RPS6KA2: variants seen among roughly 807,000 people sequenced by gnomAD.
RPS6KA2 encodes ribosomal protein S6 kinase A2, also known as ribosomal protein S6 kinase alpha-2.
In RPS6KA2, 42 loss-of-function variants were observed where a neutral mutation model predicts 91.8. The observed-to-expected ratio is 0.46, with a 90% CI of 0.36 to 0.59. The LOEUF is 0.59. Among genes scored for constraint, RPS6KA2 ranks in the 20% least tolerant of loss-of-function variants. The pLI, the probability that RPS6KA2 is intolerant of heterozygous loss-of-function variation, is 0.00. For missense variants in RPS6KA2, 798 were observed against 978.5 expected, an observed-to-expected ratio of 0.82 and a Z score of 2.46; for synonymous variants, 414 against 393.6, an observed-to-expected ratio of 1.05 and a Z score of -0.61.
At chr6:166,853,872 T>C (rs970090455) in intron 2 of RPS6KA2, among the ~76,000 whole-genome samples, 3 of 152,250 alleles carry the variant, frequency 2.0e-5, no homozygotes, top group African/African-American at 7.2e-5. Flanking sequence ...ACACATGGCC[T>C]GCAGGAGAGA....
chr6:166,442,100 C>T (rs1238024607), intron 14 of RPS6KA2, among the ~76,000 whole-genome samples: 1 of 152,238 alleles, frequency 6.6e-6, no homozygotes, highest in East Asian at 1.9e-4. Context: ...CCACTTGCAC[C>T]TGGCACACCT....
intron 2 of RPS6KA2, chr6:166,702,857 TA>T (rs568555289): frequency 1.9e-5 from 18 of 946,186 alleles, no homozygotes; most frequent in Admixed American, 4.3e-5. Flanking sequence ...AATGGTTGTT[TA>T]AAAAAAATTA....
intron 2 of RPS6KA2, among the ~76,000 whole-genome samples, chr6:166,659,987 G>A (rs552151619): frequency 6.6e-6 from 1 of 151,952 alleles, no homozygotes; most frequent in Middle Eastern, 3.4e-3. Context: ...GAACTCCAGA[G>A]TTCAAGTAAT....
intron 1 of RPS6KA2, among the ~76,000 whole-genome samples, chr6:166,600,957 C>T (rs1390912847): frequency 6.6e-6 from 1 of 152,184 alleles, no homozygotes; most frequent in South Asian, 2.1e-4. Flanking sequence ...AAATACTCTG[C>T]ATATCCAATA....
intron 2 of RPS6KA2, among the ~76,000 whole-genome samples, chr6:166,760,732 T>C (rs1778144542): frequency 6.6e-6 from 1 of 152,208 alleles, no homozygotes; most frequent in Admixed American, 6.5e-5. Context: ...GATACTGAGT[T>C]GGGGAAAGAA....
chr6:166,829,278 G>T (rs1780119079), intron 2 of RPS6KA2, among the ~76,000 whole-genome samples: 1 of 152,112 alleles, frequency 6.6e-6, no homozygotes, highest in Non-Finnish European at 1.5e-5. Context: ...ACAGGACGGT[G>T]GTTCCTCAAA....
rs1784218417 is a variant in RPS6KA2, at chr6:166,557,757, G to C, written c.100-18973C>G. Among the ~76,000 whole-genome samples the C allele has an allele frequency of 6.6e-6, 1 of 152,180 alleles. No individual in the cohort carries two copies. The highest frequency in any genetic ancestry group is 6.5e-5 in the Admixed American group (1 of 15,282). On this transcript the variant is annotated intron_variant, in intron 1 of 20. Coordinates refer to ENST00000265678, the MANE Select transcript of RPS6KA2 (RefSeq NM_021135.6). This position sits in a 1 kb window ranked among gnomAD's most constrained non-coding sequence, Gnocchi z 4.8. ...CAAAATGAAACTCGAAATCCTTCTA[G>C]TCTCTATATACAGACTTTCCTCACT...
chr6:166,436,820 A>G (rs1320625464), intron 14 of RPS6KA2, among the ~76,000 whole-genome samples: 1 of 152,140 alleles, frequency 6.6e-6, no homozygotes, highest in Non-Finnish European at 1.5e-5. Context: ...AGCTGGGATT[A>G]TAGGGCACAT....
At chr6:166,834,091 A>G (rs951539978) in intron 2 of RPS6KA2, among the ~76,000 whole-genome samples, 2 of 152,126 alleles carry the variant, frequency 1.3e-5, no homozygotes, top group African/African-American at 4.8e-5. Flanking sequence ...GGGTATGTTT[A>G]ACTATAAAAG....
intron 1 of RPS6KA2, among the ~76,000 whole-genome samples, chr6:166,587,626 G>A (rs1785219942): frequency 8.9e-6 from 1 of 112,892 alleles, no homozygotes; most frequent in Non-Finnish European, 1.7e-5. Flanking sequence ...TTTGAAGTCT[G>A]CCATTGGAAA....
intron 3 of RPS6KA2, among the ~76,000 whole-genome samples, chr6:166,520,403 A>G (rs1422509065): frequency 6.6e-6 from 1 of 152,146 alleles, no homozygotes; most frequent in East Asian, 1.9e-4. Flanking sequence ...TTGGATTTGA[A>G]CTGAATGACA....
chr6:166,648,225 TGC>T lies in RPS6KA2; in HGVS notation c.124-109443_124-109442del, dbSNP rs1318130627. Among the ~76,000 whole-genome samples, 3 of 149,096 alleles carry T rather than the reference TGC, an allele frequency of 2.0e-5. No individual in the cohort carries two copies. Among genetic ancestry groups the T allele is most frequent in the East Asian group, 2.0e-4 (1 of 5,014 alleles). ...ACACACTCATGCACACACACGCACATGCGCACACACACACATTCACACAGGCA... is the reference window on the plus strand; with the variant it reads ...ACACACTCATGCACACACACGCACATGCACACACACACATTCACACAGGCA... On this transcript the variant is annotated intron_variant, in intron 2 of 21. Coordinates refer to the RPS6KA2 transcript ENST00000503859. The surrounding 1 kb of genome is among the most constrained non-coding windows in gnomAD (Gnocchi z 4.8).
At chr6:166,753,746 G>A (rs1378442416) in intron 2 of RPS6KA2, among the ~76,000 whole-genome samples, 1 of 152,206 alleles carries the variant, frequency 6.6e-6, no homozygotes, top group Non-Finnish European at 1.5e-5. Flanking sequence ...TATTGTGGTT[G>A]TTAAACAGTC....
intron 2 of RPS6KA2, among the ~76,000 whole-genome samples, chr6:166,754,012 C>T (rs535075221): frequency 6.2e-4 from 95 of 152,238 alleles, no homozygotes; most frequent in African/African-American, 2.1e-3. Context: ...TCCGTCTTCC[C>T]GTGAGAATCC....
intron 2 of RPS6KA2, among the ~76,000 whole-genome samples, chr6:166,810,044 A>C (rs1362723887): frequency 6.6e-6 from 1 of 152,214 alleles, no homozygotes; most frequent in Non-Finnish European, 1.5e-5. Flanking sequence ...ACTTACAATC[A>C]TGGCAGAAGA....
rs186061400 is a variant in RPS6KA2, at chr6:166,430,195, C to T, written c.1581+258G>A. Among the ~76,000 whole-genome samples the T allele has an allele frequency of 2.2e-3, 333 of 152,000 alleles. 3 individuals are homozygous for T. The highest frequency in any genetic ancestry group is 7.7e-3 in the African/African-American group (319 of 41,436). Reference sequence around the variant, plus strand: ...ATGTTGGCTAGGCTGGTCGCGAACTCCTGACCTCGTGATCTGCCCGCCTTG... The same window carrying T: ...ATGTTGGCTAGGCTGGTCGCGAACTTCTGACCTCGTGATCTGCCCGCCTTG... On this transcript the variant is annotated intron_variant, in intron 16 of 20. Coordinates refer to ENST00000265678, the MANE Select transcript of RPS6KA2 (RefSeq NM_021135.6).
intron 2 of RPS6KA2, among the ~76,000 whole-genome samples, chr6:166,699,711 A>G (rs1008748050): frequency 6.6e-6 from 1 of 152,192 alleles, no homozygotes; most frequent in Non-Finnish European, 1.5e-5. Flanking sequence ...TCGGTATCAA[A>G]GGTCATATGT....
rs3823203 is a variant in RPS6KA2, at chr6:166,560,918, T to C, written c.100-22134A>G. On this transcript the variant is annotated intron_variant, in intron 1 of 20. Coordinates refer to ENST00000265678, the MANE Select transcript of RPS6KA2 (RefSeq NM_021135.6). The stretch of plus-strand genomic sequence containing the variant: ...CATTCCACGGTCCTTTTGGGGCGTA[T>C]TTCTTAGCCCAACATGGTGTTTTTT... 1.6e-3 allele frequency among the ~76,000 whole-genome samples: 234 copies of C among 148,240 alleles called. 2 individuals are homozygous for C. In the East Asian group the frequency reaches 0.038, roughly 24 times the overall value.
intron 1 of RPS6KA2, among the ~76,000 whole-genome samples, chr6:166,544,124 G>A (rs186420569): frequency 8.7e-4 from 133 of 152,290 alleles, no homozygotes; most frequent in Non-Finnish European, 7.3e-5. Context: ...TGGCCTCTGC[G>A]TATTCCTTAC....
Sources: allele counts gnomAD v4.1 joint callset (sites outside exome capture counted in the v4.1 genomes callset), GRCh38; gene constraint gnomAD v4.1.1; non-coding constraint Gnocchi (gnomAD v3.1); transcripts MANE v1.5; gene names NCBI Gene and HGNC (gene_info 2026-07-23, HGNC 2026-07-21).